MTOR: variants seen among roughly 807,000 people sequenced by gnomAD.
MTOR encodes serine/threonine-protein kinase mTOR.
A neutral mutation model predicts 319.8 loss-of-function variants in MTOR; 70 were observed. The ratio of observed to expected loss-of-function variants is 0.22; its 90% CI spans 0.18 to 0.27. The LOEUF (loss-of-function observed/expected upper bound fraction) is 0.27, where lower values mean the gene tolerates loss of function less well. Among genes scored for constraint, MTOR ranks in the 10% least tolerant of loss-of-function variants. The pLI is 1.00. For missense variants in MTOR, 1,890 were observed against 3,274.4 expected, an observed-to-expected ratio of 0.58 and a Z score of 10.32; for synonymous variants, 1,183 against 1,211.4, an observed-to-expected ratio of 0.98 and a Z score of 0.49.
intron 13 of MTOR, 26 bp downstream of exon 13, chr1:11,237,817 G>A (rs1159644007): frequency 6.2e-7 from 1 of 1,612,664 alleles, no homozygotes; most frequent in South Asian, 1.1e-5. Context: ...TTCCCTGCCT[G>A]TGGGTCTGGC....
chr1:11,160,383 A>G (rs1187979545), intron 29 of MTOR, among the ~76,000 whole-genome samples: 1 of 152,166 alleles, frequency 6.6e-6, no homozygotes, highest in Non-Finnish European at 1.5e-5. Flanking sequence ...TGTAGGCGTG[A>G]GCCACTGCGC....
In MTOR at chr1:11,243,291, T is replaced by C. The variant is rs1284144850; in HGVS notation, c.1235A>G (p.Tyr412Cys). The C allele has an allele frequency of 1.2e-6, 2 of 1,613,914 alleles. No homozygotes were observed. The highest frequency in any genetic ancestry group is 1.3e-5 in the African/African-American group (1 of 74,916). ...FRPSAFTDTQ[Y>C]LQDTMNHVLS... ...GACATGGTTCATGGTATCTTGGAGA[T>C]ACTGGGTATCTGAGCACAGAAAAGA... Residue 412 changes from tyrosine to cysteine, a missense_variant, in exon 9 of 58, where the codon TAT becomes TGT. This residue lies in a region of MTOR where 418 missense variants were observed against 543.1 expected (regional missense o/e 0.77). Transcript: ENST00000361445.
rs769835039 is a variant in MTOR at position 11,115,353 on chromosome 1, T to C, written c.7089+43A>G. ...AGTGTCAGAGGAGGGGGAAAAGTGA[T>C]CACCCGGGAAGATGAGGTTGGGGTT... On this transcript the variant is annotated intron_variant, in intron 51 of 57. Transcript: ENST00000361445. This position sits in a 1 kb window ranked among gnomAD's most constrained non-coding sequence, Gnocchi z 4.5. The C allele has an allele frequency of 6.3e-7, 1 of 1,591,712 alleles. No individual in the cohort carries two copies. The highest frequency in any genetic ancestry group is 1.7e-4 in the Middle Eastern group (1 of 6,010).
At chr1:11,209,238 A>T in intron 25 of MTOR, 74 bp downstream of exon 25, 2 of 1,583,600 alleles carry the variant, frequency 1.3e-6, no homozygotes, top group Non-Finnish European at 1.7e-6. Flanking sequence ...TGCCCAGTTT[A>T]AACAGTTAAA....
At chr1:11,228,035 T>C (rs1352506466) in intron 19 of MTOR, among the ~76,000 whole-genome samples, 1 of 152,078 alleles carries the variant, frequency 6.6e-6, no homozygotes, top group African/African-American at 2.4e-5. Context: ...TTCACCTGTG[T>C]AGTATTTTCA....
intron 19 of MTOR, among the ~76,000 whole-genome samples, chr1:11,216,838 T>C (rs927299451): frequency 1.3e-5 from 2 of 152,154 alleles, no homozygotes; most frequent in South Asian, 2.1e-4. Flanking sequence ...ACTTACCTCA[T>C]AGACTTCTAA....
intron 28 of MTOR, among the ~76,000 whole-genome samples, chr1:11,186,931 T>C (rs966467792): frequency 2.0e-5 from 3 of 152,230 alleles, no homozygotes; most frequent in Non-Finnish European, 4.4e-5. Flanking sequence ...TATTGCCTTA[T>C]GTTAGAAATA....
chr1:11,133,226 C>T lies in MTOR; in HGVS notation c.5247-29G>A, dbSNP rs1279486962. The T allele has an allele frequency of 1.3e-6, 2 of 1,596,426 alleles. No homozygotes were observed. The highest frequency in any genetic ancestry group is 3.3e-5 in the Admixed American group (2 of 60,016). On this transcript the variant is annotated intron_variant, in intron 37 of 57. Transcript: ENST00000361445. This position sits in a 1 kb window ranked among gnomAD's most constrained non-coding sequence, Gnocchi z 4.0. ...GAAGCAGAGAAACAAGCCCCCATGA[C>T]ATTCCCTCCTCAAAACAGCCCTCCT...
chr1:11,169,814 G>T (rs1644755080), intron 28 of MTOR, among the ~76,000 whole-genome samples: 1 of 152,160 alleles, frequency 6.6e-6, no homozygotes, highest in Non-Finnish European at 1.5e-5. Flanking sequence ...GTTCTTCGGG[G>T]AATTAAACAA....
At chr1:11,218,810 A>G (rs1282535713) in intron 19 of MTOR, among the ~76,000 whole-genome samples, 1 of 152,196 alleles carries the variant, frequency 6.6e-6, no homozygotes, top group African/African-American at 2.4e-5. Flanking sequence ...AAAAGAACAC[A>G]GTTTTGCTCC....
intron 36 of MTOR, 117 bp downstream of exon 36, chr1:11,139,187 A>AT: frequency 1.5e-6 from 2 of 1,370,308 alleles, no homozygotes; most frequent in Non-Finnish European, 2.0e-6. Flanking sequence ...ACTCCCTGAC[A>AT]TTGTGAGTAG....
At chr1:11,248,803 A>C (rs1649197927) in intron 6 of MTOR, among the ~76,000 whole-genome samples, 1 of 152,020 alleles carries the variant, frequency 6.6e-6, no homozygotes, top group African/African-American at 2.4e-5. Flanking sequence ...CAAGAGGGAA[A>C]TCTGTCTCAA....
intron 28 of MTOR, among the ~76,000 whole-genome samples, chr1:11,181,992 C>T (rs1475259880): frequency 7.2e-5 from 11 of 152,038 alleles, no homozygotes; most frequent in African/African-American, 2.7e-4. Flanking sequence ...CCAAGGCAGG[C>T]GGATCACCTG....
At chr1:11,189,014 T>G (rs1211904178) in intron 28 of MTOR, among the ~76,000 whole-genome samples, 2 of 152,114 alleles carry the variant, frequency 1.3e-5, no homozygotes, top group African/African-American at 2.4e-5. Context: ...CACCCCATGG[T>G]TATATAACCT....
intron 28 of MTOR, among the ~76,000 whole-genome samples, chr1:11,172,041 A>AG (rs1644831506): frequency 6.6e-6 from 1 of 151,816 alleles, no homozygotes; most frequent in Non-Finnish European, 1.5e-5. Context: ...AAAAAAAAAA[A>AG]AAAAAAGAGA....
rs1314134039 is a variant in MTOR, at chr1:11,127,419, T to C, written c.6216+205A>G. 2.0e-5 allele frequency among the ~76,000 whole-genome samples: 3 copies of C among 152,210 alleles called. No individual in the cohort carries two copies. Among genetic ancestry groups the C allele is most frequent in the African/African-American group, 7.2e-5 (3 of 41,440 alleles). ...TCCAGTTAAAATTCAGAAGGGTCCC[T>C]GTAACTAATTTCTGATGTTTTATGC... On this transcript the variant is annotated intron_variant, in intron 44 of 57. Coordinates refer to ENST00000361445, the MANE Select transcript of MTOR (RefSeq NM_004958.4). This position sits in a 1 kb window ranked among gnomAD's most constrained non-coding sequence, Gnocchi z 5.5.
intron 30 of MTOR, among the ~76,000 whole-genome samples, chr1:11,154,102 A>AAAAAAAAC (rs1644242159): frequency 2.2e-5 from 3 of 135,770 alleles, no homozygotes; most frequent in Non-Finnish European, 3.1e-5. Flanking sequence ...AAAAAAAAAA[A>AAAAAAAAC]AGCCACATGT....
At chr1:11,203,169 C>T (rs1411167133) in intron 26 of MTOR, among the ~76,000 whole-genome samples, 3 of 150,778 alleles carry the variant, frequency 2.0e-5, no homozygotes, top group East Asian at 2.0e-4. Context: ...GCCACAATTG[C>T]GCCACTGCAC....
intron 15 of MTOR, 97 bp downstream of exon 15, chr1:11,233,300 AC>A: frequency 1.8e-6 from 2 of 1,088,188 alleles, no homozygotes; most frequent in South Asian, 2.8e-5. Flanking sequence ...AATATGTGAG[AC>A]CTTTCATTTA....
Sources: allele counts gnomAD v4.1 joint callset (sites outside exome capture counted in the v4.1 genomes callset), GRCh38; gene constraint gnomAD v4.1.1; regional missense constraint gnomAD v4.1.1; non-coding constraint Gnocchi (gnomAD v3.1); transcripts MANE v1.5; gene names NCBI Gene and HGNC (gene_info 2026-07-23, HGNC 2026-07-21).